Variants in FAM186A observed in about 807,000 individuals in gnomAD.
The protein encoded by FAM186A is family with sequence similarity 186 member A, also known as protein FAM186A.
Under a neutral mutation model 216.8 loss-of-function variants are expected in FAM186A, and 163 were observed. The ratio of observed to expected loss-of-function variants is 0.75; its 90% confidence interval spans 0.66 to 0.86. The LOEUF is 0.86. Ranked by LOEUF, FAM186A falls within the 40% of genes least tolerant of loss-of-function variation. The probability of loss-of-function intolerance (pLI) is 0.00; values close to 1 mark genes in which losing one functional copy is unlikely to be tolerated. For synonymous variants in FAM186A, 805 were observed against 1,025.3 expected (o/e 0.79, Z 4.10); for missense variants, 2,184 against 2,746.2 (o/e 0.80, Z 4.58).
At chr12:50,394,732 C>CTTTTTTGTTTTTTTTTTTT (rs1943396362) in intron 1 of FAM186A, among the ~76,000 whole-genome samples, 1 of 29,384 alleles carries the variant, frequency 3.4e-5, no homozygotes, top group Non-Finnish European at 5.6e-5. Context: ...GGCTAACACT[C>CTTTTTTGTTTTTTTTTTTT]TTTTTTTTTT....
chr12:50,391,995 A>G lies in FAM186A; in HGVS notation c.192+4298T>C, dbSNP rs563978988. Among the ~76,000 whole-genome samples, 10 of 152,334 alleles carry G rather than the reference A, an allele frequency of 6.6e-5. No homozygotes were observed. In the East Asian group the frequency reaches 9.6e-4, roughly 15 times the overall value. On this transcript the variant is annotated intron_variant, in intron 1 of 7. Transcript: ENST00000327337. ...AAGGAATCAACTATTCATATATGCA[A>G]AAGTGTGGATGAATCTCAAAATAAT...
rs527384223 is a variant in FAM186A, at chr12:50,387,132, C to T, written c.192+9161G>A. On this transcript the variant is annotated intron_variant, in intron 1 of 7. Transcript: ENST00000327337. ...AATTCAGACACCATCTACCTAGATA[C>T]AGTGTCAGATCCCATAGGTCGAAGC... Among the ~76,000 whole-genome samples, 67 of 152,220 alleles carry T rather than the reference C, an allele frequency of 4.4e-4. 1 individual carries two copies. In the South Asian group the frequency reaches 0.013, roughly 31 times the overall value.
chr12:50,394,516 T>C (rs559635244), intron 1 of FAM186A, among the ~76,000 whole-genome samples: 1 of 151,892 alleles, frequency 6.6e-6, no homozygotes, highest in Admixed American at 6.6e-5. Flanking sequence ...ATCGCGCCAC[T>C]GCACTCAGCC....
chr12:50,334,101 T>A lies in FAM186A; in HGVS notation c.6506A>T (p.Asn2169Ile), dbSNP rs1390291831. ...GGCTTTTAGTCGTTTCATTATGTTG[T>A]TCCTTGAAAAGATTAATAAAAATTA... Reference protein sequence around the residue: ...IAYRLIQHARNNIMKRLKAIQ... With the variant: ...IAYRLIQHARINIMKRLKAIQ... Residue 2169 changes from asparagine to isoleucine, a missense_variant and splice_region_variant, in exon 5 of 8, where the codon AAC (asparagine) becomes ATC (isoleucine). Coordinates refer to ENST00000327337, the MANE Select transcript of FAM186A (RefSeq NM_001145475.3). The A allele has an allele frequency of 1.3e-6, 2 of 1,531,560 alleles. No individual in the cohort carries two copies. Among genetic ancestry groups the A allele is most frequent in the African/African-American group, 2.8e-5 (2 of 71,706 alleles). The allele number at this position is 1,531,560 out of a possible 1,614,324, so 94.9% of individuals were successfully genotyped here.
rs1356002124 is a variant in FAM186A at position 50,350,638 on chromosome 12, T to A, written c.6194A>T (p.Tyr2065Phe). ...TATAGGAGGGAATCGGGATTTCTGG[T>A]ACCATTCCAAAGGTGAAATCTGTGA... ...RTSQISPLEW[Y>F]QKSRFPPIDK... is the part of the protein sequence containing the mutation. The change falls in exon 4 of 8, where the codon TAC becomes TTC. Residue 2065 changes from tyrosine to phenylalanine, a missense_variant. Tyr to Phe is a conservative substitution (Grantham distance 22). Around this residue, in one of 7 missense-constraint regions of FAM186A, gnomAD observed 721 missense variants for 816.4 expected, o/e 0.88. Coordinates refer to ENST00000327337, the MANE Select transcript of FAM186A (RefSeq NM_001145475.3). 1.3e-6 allele frequency: 2 copies of A among 1,551,526 alleles called. No individual in the cohort carries two copies. Among genetic ancestry groups the A allele is most frequent in the African/African-American group, 2.7e-5 (2 of 73,034 alleles).
At position 50,351,867 on chromosome 12, in the gene FAM186A, AT is replaced by A; in HGVS notation, c.4964del (p.Asn1655MetfsTer21). The part of the protein sequence containing the change: ...QALGVPITPV[N>X]AWVSAVTLTS... ...TAAGAGTGACAGCTGACACCCAGGC[AT>A]TTACTGGGGTGATGGGGACTCCCAG... On this transcript the variant is annotated frameshift_variant, in exon 4 of 8. Coordinates refer to ENST00000327337, the MANE Select transcript of FAM186A (RefSeq NM_001145475.3). LOFTEE classifies it high-confidence loss of function. The A allele has an allele frequency of 1.3e-6, 2 of 1,544,512 alleles. No homozygotes were observed.
rs576082601 is a variant in FAM186A, at chr12:50,354,981, G to T, written c.1851C>A (p.Ile617=). 1.3e-6 allele frequency: 2 copies of T among 1,550,198 alleles called. No homozygotes were observed. Among genetic ancestry groups the T allele is most frequent in the South Asian group, 2.4e-5 (2 of 83,636 alleles). ...GKKHHISSGT[I]TSKEEKTEEK... is the part of the protein sequence containing the mutation. ...CTTCAGTTTTTTCTTCTTTGCTTGT[G>T]ATAGTTCCTGAAGAGATATGGTGTT... The change falls in exon 4 of 8, where the codon ATC becomes ATA. Residue 617 remains isoleucine (I), a synonymous_variant. Coordinates refer to ENST00000327337, the MANE Select transcript of FAM186A (RefSeq NM_001145475.3).
chr12:50,376,563 G>T (rs1943200213), intron 1 of FAM186A, among the ~76,000 whole-genome samples: 1 of 152,016 alleles, frequency 6.6e-6, no homozygotes, highest in Non-Finnish European at 1.5e-5. Flanking sequence ...CTAAGTCTGG[G>T]GTTTTTATGG....
In FAM186A at chr12:50,360,750, C is replaced by T. The variant is rs751621472; in HGVS notation, c.583+6G>A. 8.5e-6 allele frequency: 13 copies of T among 1,526,258 alleles called. No homozygotes were observed. Among genetic ancestry groups the T allele is most frequent in the African/African-American group, 7.0e-5 (5 of 71,702 alleles). The allele number at this position is 1,526,258 out of a possible 1,614,324, so 94.5% of individuals were successfully genotyped here. ...CTCCAACTCCAAAATCATAAAGCAC[C>T]CTTACATATTTTTTTCTTTTGTTTC... On this transcript the variant is annotated splice_donor_region_variant and intron_variant, in intron 3 of 7. Coordinates refer to ENST00000327337, the MANE Select transcript of FAM186A (RefSeq NM_001145475.3).
chr12:50,366,965 G>T (rs531521060), intron 1 of FAM186A, among the ~76,000 whole-genome samples: 1 of 152,134 alleles, frequency 6.6e-6, no homozygotes, highest in East Asian at 1.9e-4. Context: ...AGTAAGCCAT[G>T]ATTATGCCAC....
chr12:50,363,347 C>T lies in FAM186A; in HGVS notation c.210G>A (p.Leu70=), dbSNP rs1943055712. ...GATGCACATTGTTCATTATTTCACT[C>T]AGCTGCATATCAATGTCCTGTCAGA... The part of the protein sequence containing the change: ...HRAREDIDMQ[L]SEIMNNVHRI... Residue 70 remains leucine, a synonymous_variant, in exon 2 of 8, where the codon CTG becomes CTA. Transcript: ENST00000327337. 6.4e-7 allele frequency: 1 copy of T among 1,550,438 alleles called. No individual in the cohort carries two copies. The highest frequency in any genetic ancestry group is 2.4e-5 in the East Asian group (1 of 40,890).
rs1442645258 is a variant in FAM186A at position 50,330,614 on chromosome 12, C to T, written c.6993G>A (p.Val2331=). The T allele has an allele frequency of 6.4e-7, 1 of 1,550,752 alleles. No individual in the cohort carries two copies. Among genetic ancestry groups the T allele is most frequent in the Non-Finnish European group, 8.7e-7 (1 of 1,146,590 alleles). ...CAAGAGATTTTCGGAAGGTAGACTG[C>T]ACTTCTAACTGAAGCAGCCTGGGAA... The part of the protein sequence containing the change: ...PDIPRLLQLE[V]QSTFRKSLAS... The change falls in exon 7 of 8, where the codon GTG becomes GTA. Residue 2331 remains valine (V), a synonymous_variant. Coordinates refer to ENST00000327337, the MANE Select transcript of FAM186A (RefSeq NM_001145475.3).
At chr12:50,367,596 A>C (rs1011413462) in intron 1 of FAM186A, among the ~76,000 whole-genome samples, 1 of 152,090 alleles carries the variant, frequency 6.6e-6, no homozygotes, top group Non-Finnish European at 1.5e-5. Context: ...CTGTTCATAG[A>C]TAACATGATC....
intron 1 of FAM186A, among the ~76,000 whole-genome samples, chr12:50,369,586 A>G (rs1426439192): frequency 6.6e-6 from 1 of 152,164 alleles, no homozygotes; most frequent in Non-Finnish European, 1.5e-5. Flanking sequence ...TGAAAAGTCA[A>G]CCTAGGAAAT....
At chr12:50,345,687 A>T (rs1942804965) in intron 4 of FAM186A, among the ~76,000 whole-genome samples, 1 of 152,018 alleles carries the variant, frequency 6.6e-6, no homozygotes, top group East Asian at 1.9e-4. Flanking sequence ...TGGGTTCTCT[A>T]TTCTGTTCCA....
rs190307659 is a variant in FAM186A, at chr12:50,373,840, A to G, written c.193-10476T>C. 3.2e-3 allele frequency among the ~76,000 whole-genome samples: 487 copies of G among 152,154 alleles called. 2 individuals carry two copies. Among genetic ancestry groups the G allele is most frequent in the African/African-American group, 0.011 (448 of 41,488 alleles). On this transcript the variant is annotated intron_variant, in intron 1 of 7. Transcript: ENST00000327337. ...GATTATAAATCATGCTGCTATAAAG[A>G]CACATGCACACGTATGTTTATTGCA...
intron 4 of FAM186A, among the ~76,000 whole-genome samples, chr12:50,342,693 G>A (rs184980449): frequency 6.6e-6 from 1 of 150,666 alleles, no homozygotes; most frequent in East Asian, 2.0e-4. Flanking sequence ...AGCCAGGATG[G>A]TCTCGATCTG....
intron 1 of FAM186A, among the ~76,000 whole-genome samples, chr12:50,378,898 G>T (rs1019189156): frequency 6.6e-6 from 1 of 152,052 alleles, no homozygotes; most frequent in African/African-American, 2.4e-5. Flanking sequence ...TATGTGTAAG[G>T]TTACTTTCTG....
intron 1 of FAM186A, among the ~76,000 whole-genome samples, chr12:50,372,218 A>G (rs1943148101): frequency 6.6e-6 from 1 of 152,194 alleles, no homozygotes; most frequent in Non-Finnish European, 1.5e-5. Flanking sequence ...AACTTAAGTC[A>G]AGAACACAGG....
Sources: allele counts gnomAD v4.1 joint callset (sites outside exome capture counted in the v4.1 genomes callset), GRCh38; gene constraint gnomAD v4.1.1; regional missense constraint gnomAD v4.1.1; transcripts MANE v1.5; gene names NCBI Gene and HGNC (gene_info 2026-07-23, HGNC 2026-07-21).